The following PRKN variants were observed in gnomAD, a reference collection of about 807,000 sequenced individuals.
PRKN encodes the protein parkin RBR E3 ubiquitin protein ligase.
PRKN carries 56 observed loss-of-function variants against 59.5 expected under a neutral mutation model. That is an observed-to-expected ratio of 0.94 (90% CI 0.76 to 1.18). The LOEUF (loss-of-function observed/expected upper bound fraction) is 1.18, where lower values mean the gene tolerates loss of function less well. PRKN is among the 50% of genes most tolerant of loss of function. The pLI, the probability that PRKN is intolerant of heterozygous loss-of-function variation, is 0.00. For missense variants in PRKN, 657 were observed against 596.4 expected (o/e 1.10, Z -1.06); for synonymous variants, 250 against 222.1 (o/e 1.13, Z -1.12).
intron 6 of PRKN, among the ~76,000 whole-genome samples, chr6:161,853,111 T>G (rs1314900602): frequency 1.3e-5 from 2 of 152,210 alleles, no homozygotes; most frequent in East Asian, 3.8e-4. Flanking sequence ...CTGGGAAAAC[T>G]TGAGAACTGA....
intron 4 of PRKN, among the ~76,000 whole-genome samples, chr6:162,200,171 C>T (rs996429787): frequency 1.3e-5 from 2 of 152,164 alleles, no homozygotes; most frequent in Non-Finnish European, 2.9e-5. Flanking sequence ...CTGCCCCCAG[C>T]ACTGTGTCCT....
At chr6:161,556,034 A>G (rs1780225403) in intron 8 of PRKN, among the ~76,000 whole-genome samples, 1 of 152,186 alleles carries the variant, frequency 6.6e-6, no homozygotes, top group Non-Finnish European at 1.5e-5. Flanking sequence ...TACTATGACA[A>G]TAGCTTTTAT....
intron 6 of PRKN, among the ~76,000 whole-genome samples, chr6:161,817,313 A>G (rs990085943): frequency 3.3e-5 from 5 of 152,226 alleles, no homozygotes; most frequent in Non-Finnish European, 7.3e-5. Flanking sequence ...GCCTCACTGC[A>G]GAGCTAAGAA....
chr6:161,537,592 C>G (rs536770505), intron 9 of PRKN, among the ~76,000 whole-genome samples: 2 of 151,994 alleles, frequency 1.3e-5, no homozygotes, highest in Non-Finnish European at 2.9e-5. Context: ...GCTGGGACTA[C>G]AGGCACCCGC....
chr6:161,801,217 G>A (rs1043917944), intron 6 of PRKN, among the ~76,000 whole-genome samples: 8 of 152,208 alleles, frequency 5.3e-5, no homozygotes, highest in Non-Finnish European at 7.3e-5. Flanking sequence ...GCCAGGGCCC[G>A]GCCTCTGCGG....
chr6:162,389,620 C>T (rs2128143898), intron 2 of PRKN, among the ~76,000 whole-genome samples: 1 of 152,252 alleles, frequency 6.6e-6, no homozygotes, highest in South Asian at 2.1e-4. Flanking sequence ...GCAGCAGATA[C>T]TTGGCAAAAG....
chr6:162,182,687 G>A (rs1267750002), intron 4 of PRKN, among the ~76,000 whole-genome samples: 3 of 152,180 alleles, frequency 2.0e-5, no homozygotes, highest in Admixed American at 2.0e-4. Context: ...ACATGTGTGG[G>A]CATACCTCAT....
intron 6 of PRKN, among the ~76,000 whole-genome samples, chr6:161,924,889 C>A (rs1778909305): frequency 6.6e-6 from 1 of 152,176 alleles, no homozygotes; most frequent in South Asian, 2.1e-4. Flanking sequence ...TGTGGAAGTA[C>A]CCTGTGAGTA....
chr6:162,310,288 G>C (rs900645733), intron 2 of PRKN, among the ~76,000 whole-genome samples: 1 of 152,124 alleles, frequency 6.6e-6, no homozygotes, highest in African/African-American at 2.4e-5. Flanking sequence ...CTCAACATCT[G>C]TAATACCATA....
chr6:162,634,768 C>T (rs950305221), intron 1 of PRKN, among the ~76,000 whole-genome samples: 2 of 152,072 alleles, frequency 1.3e-5, no homozygotes, highest in African/African-American at 4.8e-5. Context: ...GGACTAAAGG[C>T]ACACGCCACC....
In PRKN at chr6:162,399,175, A is replaced by G. The variant is rs1787635600; in HGVS notation, c.171+44135T>C. Among the ~76,000 whole-genome samples the G allele has an allele frequency of 3.3e-5, 5 of 152,186 alleles. No individual in the cohort carries two copies. The South Asian group carries it at 1.0e-3, about 32-fold the overall frequency. On this transcript the variant is annotated intron_variant, in intron 2 of 11. Coordinates refer to ENST00000366898, the MANE Select transcript of PRKN (RefSeq NM_004562.3). ...ACTCTAAAATGAATGTGAAAGCCAC[A>G]TAAGCAACAGCAATTGGGTAGGAAC...
intron 1 of PRKN, among the ~76,000 whole-genome samples, chr6:162,612,520 G>A (rs1349481453): frequency 4.1e-5 from 6 of 147,404 alleles, no homozygotes; most frequent in Non-Finnish European, 1.5e-5. Flanking sequence ...GCTCTGTTTG[G>A]TCCTAGGGAC....
At chr6:162,439,631 C>T (rs770881671) in intron 2 of PRKN, among the ~76,000 whole-genome samples, 1 of 151,994 alleles carries the variant, frequency 6.6e-6, no homozygotes, top group Non-Finnish European at 1.5e-5. Flanking sequence ...CATTTATATG[C>T]AGATTTTCTT....
chr6:162,082,986 T>C (rs1019729679), intron 4 of PRKN, among the ~76,000 whole-genome samples: 6 of 152,068 alleles, frequency 3.9e-5, no homozygotes, highest in African/African-American at 1.5e-4. Flanking sequence ...AATTATTCTG[T>C]TTTGTATTGC....
intron 1 of PRKN, among the ~76,000 whole-genome samples, chr6:162,720,430 T>C (rs938578749): frequency 4.9e-5 from 7 of 141,498 alleles, no homozygotes; most frequent in East Asian, 2.2e-4. Flanking sequence ...CATCTGTCCA[T>C]AGATGGTCTT....
rs925591871 is a variant in PRKN, at chr6:161,689,199, C to T, written c.871+96573G>A. 1.1e-3 allele frequency among the ~76,000 whole-genome samples: 46 copies of T among 41,092 alleles called. No individual in the cohort carries two copies. In the East Asian group the frequency reaches 0.031, roughly 28 times the overall value. 27.0% of individuals were successfully genotyped at this position (41,092 alleles called of 152,430 possible). A position where few individuals can be genotyped will look rare whatever the true frequency, so the allele number is the denominator to read the frequency against. ...GAATTAAATTGTACACACACACACA[C>T]ACACACACACACACACACACACACA... On this transcript the variant is annotated intron_variant, in intron 7 of 11. Transcript: ENST00000366898.
chr6:162,382,257 G>T (rs1007492030), intron 2 of PRKN, among the ~76,000 whole-genome samples: 3 of 129,602 alleles, frequency 2.3e-5, no homozygotes, highest in African/African-American at 7.8e-5. Flanking sequence ...CACAAAAGAA[G>T]CAACTGTTAA....
chr6:162,518,479 C>T (rs909911485), intron 1 of PRKN, among the ~76,000 whole-genome samples: 1 of 152,236 alleles, frequency 6.6e-6, no homozygotes, highest in Non-Finnish European at 1.5e-5. Flanking sequence ...GATTCTCGTG[C>T]CTCAGCCTCC....
chr6:162,435,772 C>G (rs9347639), intron 2 of PRKN, among the ~76,000 whole-genome samples: 59,708 of 151,978 alleles, frequency 0.39, 13,041 homozygotes, highest in African/African-American at 0.6. Context: ...AGTGAATGAG[C>G]ATCTCATTTA....
Sources: gnomAD v4.1 joint callset for allele counts (sites outside exome capture counted in the v4.1 genomes callset) on GRCh38, gnomAD v4.1.1 for gene constraint, MANE v1.5 for transcripts, NCBI Gene and HGNC (gene_info 2026-07-23, HGNC 2026-07-21) for gene names.